SEC16A: variants seen among roughly 807,000 people sequenced by gnomAD.
SEC16A encodes protein transport protein Sec16A.
Under a neutral mutation model 221.9 loss-of-function variants are expected in SEC16A, and 110 were observed. The ratio of observed to expected loss-of-function variants is 0.50; its 90% CI spans 0.42 to 0.58. The LOEUF is 0.58. Among genes scored for constraint, SEC16A ranks in the 20% least tolerant of loss-of-function variants. The pLI is 0.00. For missense variants in SEC16A, 3,165 were observed against 3,097.8 expected, an observed-to-expected ratio of 1.02 and a Z score of -0.52; for synonymous variants, 1,393 against 1,257.7, an observed-to-expected ratio of 1.11 and a Z score of -2.28.
Position 136,463,489 on chromosome 9 carries a change from T to C in SEC16A, c.4621A>G (p.Ile1541Val). ...KESASLLWNF[I>V]VLLCRQNGTV... is the part of the protein sequence containing the mutation. ...CCATTTTGTCTGCATAAGAGAACAA[T>C]AAAATTCCAAAGAAGACTTGCAGAC... Residue 1541 changes from isoleucine to valine, a missense_variant, in exon 11 of 32, where the codon ATT becomes GTT. Physicochemically the swap from Ile to Val is conservative, Grantham distance 29. Transcript: ENST00000684901. The C allele has an allele frequency of 1.9e-6, 3 of 1,613,856 alleles. No individual in the cohort carries two copies. The highest frequency in any genetic ancestry group is 2.5e-6 in the Non-Finnish European group (3 of 1,179,844).
rs1422230417 is a variant in SEC16A at position 136,475,034 on chromosome 9, T to C, written c.2582A>G (p.Glu861Gly). ...NSHEKNQSWREALVGDRPAVS... is the reference protein window; with the variant it reads ...NSHEKNQSWRGALVGDRPAVS... ...TGCAGGTCTATCCCCCACCAAAGCC[T>C]CTCTCCAGGACTGATTCTTCTCATG... is the stretch of plus-strand genomic sequence containing the variant. Residue 861 changes from glutamate (E) to glycine (G), a missense_variant, in exon 3 of 32, where the codon GAG (glutamate) becomes GGG (glycine). Transcript: ENST00000684901. The surrounding 1 kb of genome is among the most constrained non-coding windows in gnomAD (Gnocchi z 5.0). 6.2e-7 allele frequency: 1 copy of C among 1,612,862 alleles called. No homozygotes were observed. The highest frequency in any genetic ancestry group is 2.2e-5 in the East Asian group (1 of 44,798).
chr9:136,476,788 G>A lies in SEC16A; in HGVS notation c.828C>T (p.Pro276=). 1 of 1,611,562 alleles carries A rather than the reference G, an allele frequency of 6.2e-7. No homozygotes were observed. Among genetic ancestry groups the A allele is most frequent in the East Asian group, 2.2e-5 (1 of 44,820 alleles). Residue 276 remains proline (P), a synonymous_variant, in exon 3 of 32, where the codon CCC becomes CCT. Transcript: ENST00000684901. ...GGCTCACCTCGTCTCTTCCGTCACT[G>A]GGCAAGGCTGCTGGGGGAGCCACCA... The part of the protein sequence containing the change: ...SPLVAPPAAL[P]SDGRDEVSHL...
chr9:136,468,352 G>A, intron 5 of SEC16A, 63 bp downstream of exon 5: 1 of 998,830 alleles, frequency 1.0e-6, no homozygotes, highest in South Asian at 1.3e-5. Flanking sequence ...AGGGCTGCAT[G>A]TCATCAGTGT....
intron 11 of SEC16A, 146 bp from the exon 12 acceptor site, chr9:136,463,278 C>A: frequency 7.7e-7 from 1 of 1,305,388 alleles, no homozygotes; most frequent in East Asian, 2.4e-5. Flanking sequence ...AAACCTCATC[C>A]CATCCCAACC....
Position 136,466,341 on chromosome 9 carries a change from C to G in SEC16A, c.4051G>C (p.Glu1351Gln), listed in dbSNP as rs951213768. The G allele has an allele frequency of 4.4e-6, 7 of 1,576,230 alleles. No individual in the cohort carries two copies. The African/African-American group carries it at 8.1e-5, about 18-fold the overall frequency. Residue 1351 changes from glutamate (E) to glutamine (Q), a missense_variant, in exon 7 of 32, where the codon GAG becomes CAG. Around this residue, in one of 3 missense-constraint regions of SEC16A, gnomAD observed 2,030 missense variants for 1,923.1 expected, o/e 1.06. Transcript: ENST00000684901. This position sits in a 1 kb window ranked among gnomAD's most constrained non-coding sequence, Gnocchi z 5.5. ...CTGTGCAGGCTCCGTGCCGAGTGCT[C>G]GCTGTGGACGCTGCGCCGGTCCACC... ...EEVDRRSVHS[E>Q]HSARSLHSAH...
chr9:136,450,676 G>A (rs1042199342), intron 23 of SEC16A, among the ~76,000 whole-genome samples: 11 of 152,146 alleles, frequency 7.2e-5, no homozygotes, highest in African/African-American at 1.9e-4. Flanking sequence ...GTGAAGATGA[G>A]GGATATCCAG....
rs1588963333 is a variant in SEC16A, at chr9:136,466,200, A to G, written c.4128+64T>C. The stretch of plus-strand genomic sequence containing the variant: ...GGCACAGCAGTAAAACTTTAGGTAC[A>G]TTGCAAACAGGATGGTGGTTCTAAA... On this transcript the variant is annotated intron_variant, in intron 7 of 31. Transcript: ENST00000684901. This position sits in a 1 kb window ranked among gnomAD's most constrained non-coding sequence, Gnocchi z 5.5. 2 of 1,569,442 alleles carry G rather than the reference A, an allele frequency of 1.3e-6. No individual in the cohort carries two copies. Among genetic ancestry groups the G allele is most frequent in the Non-Finnish European group, 1.7e-6 (2 of 1,154,848 alleles).
chr9:136,457,373 C>A, intron 18 of SEC16A, 71 bp downstream of exon 18: 1 of 1,506,582 alleles, frequency 6.6e-7, no homozygotes, highest in Non-Finnish European at 9.0e-7. Context: ...CCCCCATGCC[C>A]GGGGGCTCTG....
chr9:136,457,979 C>G (rs74872297), intron 17 of SEC16A, among the ~76,000 whole-genome samples: 1,537 of 152,122 alleles, frequency 0.01, 21 homozygotes, highest in African/African-American at 0.034. Context: ...TTTTTTTTGA[C>G]AGGGTCTCAC....
rs76562693 is a variant in SEC16A, at chr9:136,475,765, G to A, written c.1851C>T (p.His617=). ...CCTCAAATGGTTTTACCCCAACTAA[G>A]TGAGATTTTACCGGTTCGAAAGAAC... ...ANSSFEPVKS[H]LVGVKPFEAD... The change falls in exon 3 of 32, where the codon CAC becomes CAT. Residue 617 remains histidine, a synonymous_variant. Coordinates refer to ENST00000684901, the MANE Select transcript of SEC16A (RefSeq NM_014866.2). The surrounding 1 kb of genome is among the most constrained non-coding windows in gnomAD (Gnocchi z 5.0). The A allele has an allele frequency of 0.064, 102,668 of 1,602,382 alleles. 3,856 individuals carry two copies. The highest frequency in any genetic ancestry group is 0.073 in the Non-Finnish European group (85,624 of 1,174,166).
At position 136,477,640 on chromosome 9, in the gene SEC16A, G is replaced by A; in HGVS notation, c.-25C>T. The A allele has an allele frequency of 6.4e-7, 1 of 1,574,174 alleles. No homozygotes were observed. Among genetic ancestry groups the A allele is most frequent in the Non-Finnish European group, 8.6e-7 (1 of 1,161,016 alleles). ...TGACTGAACCCTTGCACAAGTCGAT[G>A]CTGCTTACAGAAGGAAGCAGGATAT... On this transcript the variant is annotated 5_prime_UTR_variant, in exon 3 of 32. Coordinates refer to ENST00000684901, the MANE Select transcript of SEC16A (RefSeq NM_014866.2).
chr9:136,455,046 G>C (rs1212687097), intron 20 of SEC16A, among the ~76,000 whole-genome samples: 2 of 152,202 alleles, frequency 1.3e-5, no homozygotes, highest in Admixed American at 6.5e-5. Context: ...TGGAGAGTCT[G>C]GAGGGTCTGG....
intron 22 of SEC16A, among the ~76,000 whole-genome samples, chr9:136,452,534 G>A (rs1450778537): frequency 4.0e-5 from 6 of 150,852 alleles, no homozygotes; most frequent in Admixed American, 2.6e-4. Flanking sequence ...GGAGGCTGAG[G>A]CAGGCAGATC....
At chr9:136,483,041 G>T (rs988709907), upstream of SEC16A, 40 of 984,886 alleles carry the variant, frequency 4.1e-5, no homozygotes, top group Non-Finnish European at 2.4e-6. Context: ...TGGCACATCC[G>T]GCTCGGGTCT....
intron 22 of SEC16A, among the ~76,000 whole-genome samples, chr9:136,453,167 ATTTGGGTATTTCT>A (rs2132058556): frequency 6.6e-6 from 1 of 152,216 alleles, no homozygotes; most frequent in South Asian, 2.1e-4. Context: ...ATTTCATGAT[ATTTGGGTATTTCT>A]TCTACTTAAA....
At position 136,474,338 on chromosome 9, in the gene SEC16A, G is replaced by C. The variant is rs989094715; in HGVS notation, c.3278C>G (p.Ala1093Gly). ...NPESLPAQGQ[A>G]QNSAQSPASL... The stretch of plus-strand genomic sequence containing the variant: ...TGCTGGTGACTGTGCTGAGTTCTGG[G>C]CCTGTCCCTGTGCGGGCAGACTTTC... The change falls in exon 3 of 32, where the codon GCC (alanine) becomes GGC (glycine). Residue 1093 changes from alanine (A) to glycine (G), a missense_variant. Transcript: ENST00000684901. 6 of 1,612,198 alleles carry C rather than the reference G, an allele frequency of 3.7e-6. No individual in the cohort carries two copies. The highest frequency in any genetic ancestry group is 1.6e-4 in the Middle Eastern group (1 of 6,080).
At position 136,455,625 on chromosome 9, in the gene SEC16A, G is replaced by C; in HGVS notation, c.5833C>G (p.Pro1945Ala). 1 of 1,580,234 alleles carries C rather than the reference G, an allele frequency of 6.3e-7. No homozygotes were observed. The highest frequency in any genetic ancestry group is 1.2e-5 in the South Asian group (1 of 85,920). ...CCTGAGGGCAGCAGCCGCACGCTCGGGCTCGAGTGCTCAGGGCTCGGTGCA... is the reference window on the plus strand; with the variant it reads ...CCTGAGGGCAGCAGCCGCACGCTCGCGCTCGAGTGCTCAGGGCTCGGTGCA... ...VPAPSPEHSS[P>A]SVRLLPSAPQ... is the part of the protein sequence containing the mutation. Residue 1945 changes from proline to alanine, a missense_variant, in exon 20 of 32, where the codon CCG becomes GCG. This residue lies in a region of SEC16A where 1,088 missense variants were observed against 1,089.6 expected (regional missense o/e 1.00). Transcript: ENST00000684901.
At chr9:136,483,586 G>C (rs1044333394), upstream of SEC16A, 14 of 985,286 alleles carry the variant, frequency 1.4e-5, no homozygotes, top group African/African-American at 1.9e-4. Flanking sequence ...GTTTACGCTG[G>C]CTCTTTCTCC....
At position 136,463,082 on chromosome 9, in the gene SEC16A, T is replaced by C; in HGVS notation, c.4698A>G (p.Thr1566=). The C allele has an allele frequency of 1.9e-6, 3 of 1,612,448 alleles. No homozygotes were observed. The highest frequency in any genetic ancestry group is 2.5e-6 in the Non-Finnish European group (3 of 1,179,892). The stretch of plus-strand genomic sequence containing the variant: ...TGGGCGACTTCCCAGGAAGCCACAC[T>C]GTTCTGTGGTCTCGTAACAGAAGCT... ...IAELLLRDHR[T]VWLPGKSPNE... Residue 1566 remains threonine, a synonymous_variant, in exon 12 of 32, where the codon ACA becomes ACG. Transcript: ENST00000684901.
Sources: allele counts gnomAD v4.1 joint callset (sites outside exome capture counted in the v4.1 genomes callset), GRCh38; gene constraint gnomAD v4.1.1; regional missense constraint gnomAD v4.1.1; non-coding constraint Gnocchi (gnomAD v3.1); transcripts MANE v1.5; gene names NCBI Gene and HGNC (gene_info 2026-07-23, HGNC 2026-07-21).